Variants in PKHD1 observed in about 807,000 individuals in gnomAD.
PKHD1 encodes the protein fibrocystin.
Under a neutral mutation model 412.0 loss-of-function variants are expected in PKHD1, and 291 were observed. The ratio of observed to expected loss-of-function variants is 0.71; its 90% CI spans 0.64 to 0.78. PKHD1 has a LOEUF of 0.78. Among genes scored for constraint, PKHD1 ranks in the 30% least tolerant of loss-of-function variants. PKHD1 has a pLI of 0.00. For missense variants in PKHD1, 4,825 were observed against 4,950.7 expected (o/e 0.97, Z 0.76); for synonymous variants, 1,777 against 1,821.5 (o/e 0.98, Z 0.62).
At chr6:51,702,420 C>T (rs963454498) in intron 60 of PKHD1, among the ~76,000 whole-genome samples, 12 of 151,428 alleles carry the variant, frequency 7.9e-5, no homozygotes, top group South Asian at 2.1e-4. Context: ...TGTATTTTGG[C>T]GACTCAGGGG....
intron 60 of PKHD1, among the ~76,000 whole-genome samples, chr6:51,701,736 A>C (rs894279373): frequency 1.3e-5 from 2 of 151,990 alleles, no homozygotes; most frequent in Non-Finnish European, 2.9e-5. Context: ...ATTGCATTGG[A>C]AAGATTTTTA....
intron 40 of PKHD1, 36 bp from the exon 41 acceptor site, chr6:51,906,376 G>C (rs1782097304): frequency 6.3e-7 from 1 of 1,578,866 alleles, no homozygotes; most frequent in Non-Finnish European, 8.7e-7. Context: ...ATTAGATATG[G>C]CTCCTGAGAT....
At chr6:51,883,850 TG>T (rs1378321983) in intron 45 of PKHD1, among the ~76,000 whole-genome samples, 1 of 152,118 alleles carries the variant, frequency 6.6e-6, no homozygotes, top group Non-Finnish European at 1.5e-5. Flanking sequence ...AGGTTATGAA[TG>T]GATTAGTGCT....
At chr6:51,934,025 A>T in intron 37 of PKHD1, 85 bp downstream of exon 37, 1 of 1,035,944 alleles carries the variant, frequency 9.7e-7, no homozygotes, top group Non-Finnish European at 1.5e-6. Flanking sequence ...CAGCAACTAT[A>T]GTCAAGGACT....
chr6:51,890,448 A>G (rs1304746670), intron 43 of PKHD1, among the ~76,000 whole-genome samples: 1 of 152,162 alleles, frequency 6.6e-6, no homozygotes. Flanking sequence ...TCCTTTGCAG[A>G]AGTCAATGTA....
intron 35 of PKHD1, among the ~76,000 whole-genome samples, chr6:51,981,336 T>TC (rs1795177721): frequency 2.2e-5 from 1 of 44,510 alleles, no homozygotes; most frequent in African/African-American, 6.9e-5. Flanking sequence ...TCCCTCTCCC[T>TC]CTCCCTCTCC....
chr6:51,768,102 G>C (rs900799135), intron 55 of PKHD1, among the ~76,000 whole-genome samples: 4 of 151,910 alleles, frequency 2.6e-5, no homozygotes, highest in Admixed American at 2.6e-4. Context: ...TTTTTTGGCT[G>C]CATAAATGTC....
In PKHD1 at chr6:51,912,382, G is replaced by C; in HGVS notation, c.6316C>G (p.Leu2106Val). 1 of 1,610,344 alleles carries C rather than the reference G, an allele frequency of 6.2e-7. No individual in the cohort carries two copies. The highest frequency in any genetic ancestry group is 8.5e-7 in the Non-Finnish European group (1 of 1,176,764). ...VETVQDTDLY[L>V]KSPLRYSHNF... Reference sequence around the variant, plus strand: ...ACTCAGTACCTCAAAGGTGACTTAAGATAGAGGTCTGTATCCTGCACAGTT... The same window carrying C: ...ACTCAGTACCTCAAAGGTGACTTAACATAGAGGTCTGTATCCTGCACAGTT... Residue 2106 changes from leucine to valine, a missense_variant, in exon 38 of 67, where the codon CTT becomes GTT. Transcript: ENST00000371117.
At chr6:51,794,060 T>C (rs1433527284) in intron 52 of PKHD1, among the ~76,000 whole-genome samples, 1 of 150,974 alleles carries the variant, frequency 6.6e-6, no homozygotes, top group Non-Finnish European at 1.5e-5. Context: ...TTTTTTTTTT[T>C]TTTTTTGAGA....
At position 51,882,660 on chromosome 6, in the gene PKHD1, G is replaced by T. The variant is rs78363163; in HGVS notation, c.7350+433C>A. 0.01 allele frequency among the ~76,000 whole-genome samples: 1,536 copies of T among 152,278 alleles called. 29 individuals carry two copies. The highest frequency in any genetic ancestry group is 0.034 in the African/African-American group (1,419 of 41,562). ...AGGAACTAGTGCTTCCCACCCGGGA[G>T]TACTCTTTGCCCCATCTGCATCCTT... On this transcript the variant is annotated intron_variant, in intron 46 of 66. Coordinates refer to ENST00000371117, the MANE Select transcript of PKHD1 (RefSeq NM_138694.4).
intron 60 of PKHD1, among the ~76,000 whole-genome samples, chr6:51,680,100 A>G (rs1306102563): frequency 6.6e-6 from 1 of 152,024 alleles, no homozygotes; most frequent in Non-Finnish European, 1.5e-5. Flanking sequence ...TGTATTTTAA[A>G]AGGCTCAGAA....
chr6:51,977,093 T>C lies in PKHD1; in HGVS notation c.5752-17067A>G, dbSNP rs1236804977. Reference sequence around the variant, plus strand: ...GTTCAGTGCTTCTCTGTAAAGCCTATTTGGAATTGGGGAATTTTAGAACAT... The same window carrying C: ...GTTCAGTGCTTCTCTGTAAAGCCTACTTGGAATTGGGGAATTTTAGAACAT... On this transcript the variant is annotated intron_variant, in intron 35 of 66. Transcript: ENST00000371117. Among the ~76,000 whole-genome samples, 5 of 152,208 alleles carry C rather than the reference T, an allele frequency of 3.3e-5. No individual in the cohort carries two copies. The East Asian group carries it at 9.6e-4, about 29-fold the overall frequency.
chr6:51,644,729 G>A (rs1459125590), intron 63 of PKHD1, among the ~76,000 whole-genome samples: 1 of 152,132 alleles, frequency 6.6e-6, no homozygotes, highest in Non-Finnish European at 1.5e-5. Flanking sequence ...TCACCAGGCT[G>A]GAATGCAGTG....
At chr6:51,994,595 G>C (rs1054746883) in intron 35 of PKHD1, among the ~76,000 whole-genome samples, 69 of 151,758 alleles carry the variant, frequency 4.5e-4, no homozygotes, top group African/African-American at 1.7e-3. Flanking sequence ...TTTTTTCCTT[G>C]AGACAGAGTA....
At chr6:51,922,339 C>T (rs532273974) in intron 37 of PKHD1, among the ~76,000 whole-genome samples, 26 of 152,298 alleles carry the variant, frequency 1.7e-4, no homozygotes, top group African/African-American at 6.3e-4. Context: ...GAGGGGCACC[C>T]AGCTGTATGA....
At chr6:51,836,501 T>C (rs376440937) in intron 50 of PKHD1, 32 bp from the exon 51 acceptor site, 6 of 1,461,486 alleles carry the variant, frequency 4.1e-6, no homozygotes, top group Non-Finnish European at 5.8e-6. Flanking sequence ...TTGCATGTGA[T>C]ACAAAGATCA....
chr6:51,635,876 C>CGGGGGGGAG (rs1581768607), intron 64 of PKHD1, among the ~76,000 whole-genome samples: 1 of 41,506 alleles, frequency 2.4e-5, no homozygotes, highest in Admixed American at 2.3e-4. Context: ...GGCGGGGGGC[C>CGGGGGGGAG]GGGGGCGGAT....
At chr6:51,675,291 C>T (rs1008675083) in intron 60 of PKHD1, among the ~76,000 whole-genome samples, 2 of 152,138 alleles carry the variant, frequency 1.3e-5, no homozygotes, top group African/African-American at 2.4e-5. Context: ...TTTTTCCTTC[C>T]TCTGGATTTG....
intron 50 of PKHD1, among the ~76,000 whole-genome samples, chr6:51,838,600 G>C (rs935037958): frequency 6.6e-5 from 10 of 152,196 alleles, no homozygotes; most frequent in Admixed American, 2.0e-4. Flanking sequence ...ACAAAAGCAG[G>C]AAAAATTAGA....
Sources: allele counts gnomAD v4.1 joint callset (sites outside exome capture counted in the v4.1 genomes callset), GRCh38; gene constraint gnomAD v4.1.1; transcripts MANE v1.5; gene names NCBI Gene and HGNC (gene_info 2026-07-23, HGNC 2026-07-21).